Variants in EDDM13 observed in about 807,000 individuals in gnomAD.
EDDM13 encodes the protein epididymal protein 13.
Under a neutral mutation model 17.8 loss-of-function variants are expected in EDDM13, and 24 were observed. That is an observed-to-expected ratio of 1.35 (90% CI 0.98 to 1.90). The LOEUF (loss-of-function observed/expected upper bound fraction) is 1.90. EDDM13 is among the 40% of genes most tolerant of loss of function. EDDM13 has a pLI of 0.00. For synonymous variants in EDDM13, 31 were observed against 37.5 expected, an observed-to-expected ratio of 0.83 and a Z score of 0.63; for missense variants, 97 against 100.8, an observed-to-expected ratio of 0.96 and a Z score of 0.16.
At chr19:56,287,059 T>C (rs75890517) in intron 6 of EDDM13, among the ~76,000 whole-genome samples, 28,100 of 152,228 alleles carry the variant, frequency 0.18, 2,705 homozygotes, top group Middle Eastern at 0.35. Flanking sequence ...ATTTGACTCC[T>C]TCCCACCCCC....
At chr19:56,304,602 G>A (rs1055265455) in intron 13 of EDDM13, among the ~76,000 whole-genome samples, 191 bp from the exon 14 acceptor site, 3 of 152,174 alleles carry the variant, frequency 2.0e-5, no homozygotes, top group African/African-American at 7.2e-5. Context: ...GGGGAAGAAG[G>A]TGGGAGTGGT....
At chr19:56,302,657 CCCT>C (rs1600237223) in intron 13 of EDDM13, among the ~76,000 whole-genome samples, 1 of 112,612 alleles carries the variant, frequency 8.9e-6, no homozygotes, top group South Asian at 3.6e-4. Flanking sequence ...TTCCCCCCCT[CCCT>C]GTTCTTTCCT....
At chr19:56,275,076 T>A (rs1271732305) in intron 1 of EDDM13, among the ~76,000 whole-genome samples, 1 of 152,232 alleles carries the variant, frequency 6.6e-6, no homozygotes, top group African/African-American at 2.4e-5. Flanking sequence ...CACATGATGT[T>A]GATGTGTCTT....
intron 9 of EDDM13, chr19:56,295,693 A>C (rs1348711415): frequency 6.6e-6 from 1 of 152,402 alleles, no homozygotes; most frequent in African/African-American, 2.4e-5. Flanking sequence ...CAAATCCTGC[A>C]AGTCACTGCA....
chr19:56,297,629 C>T (rs1460959740), intron 12 of EDDM13, 98 bp downstream of exon 12: 24 of 707,496 alleles, frequency 3.4e-5, no homozygotes, highest in Non-Finnish European at 4.1e-5. Flanking sequence ...TTCAGGTAAT[C>T]AAGGCCCTGC....
At chr19:56,299,581 T>A (rs1463775048) in intron 12 of EDDM13, among the ~76,000 whole-genome samples, 1 of 152,110 alleles carries the variant, frequency 6.6e-6, no homozygotes. Context: ...AGGGGTTGGG[T>A]CCAGGACCTC....
intron 2 of EDDM13, among the ~76,000 whole-genome samples, chr19:56,280,985 T>C (rs773180358): frequency 6.6e-6 from 1 of 152,150 alleles, no homozygotes; most frequent in Non-Finnish European, 1.5e-5. Context: ...CATATAACTT[T>C]TGACTTCCCC....
At chr19:56,274,311 AG>A (rs1211627624) in intron 1 of EDDM13, among the ~76,000 whole-genome samples, 1 of 152,058 alleles carries the variant, frequency 6.6e-6, no homozygotes, top group Non-Finnish European at 1.5e-5. Flanking sequence ...AAAATTATCC[AG>A]GCATGGTAGT....
intron 13 of EDDM13, among the ~76,000 whole-genome samples, chr19:56,303,205 C>T (rs987729036): frequency 1.3e-5 from 2 of 152,164 alleles, no homozygotes; most frequent in Non-Finnish European, 2.9e-5. Context: ...CCAGGCCGGG[C>T]ACGGTGGCTC....
intron 1 of EDDM13, among the ~76,000 whole-genome samples, chr19:56,275,690 G>T (rs2038195471): frequency 6.6e-6 from 1 of 152,222 alleles, no homozygotes; most frequent in Admixed American, 6.5e-5. Flanking sequence ...AGATGTTTGG[G>T]ACATCCATAG....
chr19:56,287,877 A>G (rs1236572078), intron 6 of EDDM13, among the ~76,000 whole-genome samples: 1 of 152,184 alleles, frequency 6.6e-6, no homozygotes, highest in Non-Finnish European at 1.5e-5. Context: ...GCCCTCTAAG[A>G]GGTGTAAATG....
intron 6 of EDDM13, among the ~76,000 whole-genome samples, chr19:56,287,251 C>T (rs989761405): frequency 2.6e-5 from 4 of 152,216 alleles, no homozygotes; most frequent in African/African-American, 4.8e-5. Flanking sequence ...AACTCTCCTC[C>T]GGGGGTTCCC....
chr19:56,292,664 A>G (rs767509047), intron 9 of EDDM13, among the ~76,000 whole-genome samples: 14 of 151,900 alleles, frequency 9.2e-5, no homozygotes, highest in Non-Finnish European at 1.5e-4. Context: ...CTGACTCCAG[A>G]ACTTTATAAT....
At position 56,289,139 on chromosome 19, in the gene EDDM13, A is replaced by G. The variant is rs567090469; in HGVS notation, c.226+248A>G. The stretch of plus-strand genomic sequence containing the variant: ...AAGGGAGCCCTGGTTTGTAGCGACT[A>G]CCACTTCCCATGGTGTAAATACTCT... On this transcript the variant is annotated intron_variant, in intron 8 of 14. Transcript: ENST00000649256. Among the ~76,000 whole-genome samples the G allele has an allele frequency of 6.6e-5, 10 of 152,254 alleles. No individual in the cohort carries two copies. The South Asian group carries it at 2.1e-3, about 32-fold the overall frequency.
rs769831560 is a variant in EDDM13 at position 56,288,392 on chromosome 19, A to T, written c.162A>T (p.Arg54Ser). Among the ~76,000 whole-genome samples the T allele has an allele frequency of 3.3e-5, 5 of 152,250 alleles. No homozygotes were observed. Among genetic ancestry groups the T allele is most frequent in the East Asian group, 1.9e-4 (1 of 5,180 alleles). The change falls in exon 7 of 15, where the codon AGA (arginine) becomes AGT (serine). Residue 54 changes from arginine to serine, a missense_variant. By Grantham distance (110) the Arg-to-Ser change is moderately radical. Coordinates refer to ENST00000649256, the MANE Select transcript of EDDM13 (RefSeq NM_001354658.2). Reference protein sequence around the residue: ...LMSRLSPDGLRHNITSLKMPP... With the variant: ...LMSRLSPDGLSHNITSLKMPP... ...CCCCTGCTCATCTTCCAGGTCTCAG[A>T]CACAACATCACTTCCCTCAAGATGC...
intron 9 of EDDM13, among the ~76,000 whole-genome samples, chr19:56,291,811 T>C (rs1189669554): frequency 1.3e-5 from 2 of 152,110 alleles, no homozygotes; most frequent in Non-Finnish European, 2.9e-5. Flanking sequence ...ATGGGATGTC[T>C]CATGGAAACC....
In EDDM13 at chr19:56,294,972, G is replaced by A. The variant is rs1036410499; in HGVS notation, c.233-987G>A. ...CAGCTTAGTGGTTGCCTAGGACCGCGGGAGAGGGGGGTGAGCCCAGAGAGA... is the reference window on the plus strand; with the variant it reads ...CAGCTTAGTGGTTGCCTAGGACCGCAGGAGAGGGGGGTGAGCCCAGAGAGA... On this transcript the variant is annotated intron_variant, in intron 9 of 14. Transcript: ENST00000649256. 4 of 152,244 alleles carry A rather than the reference G, an allele frequency of 2.6e-5. No individual in the cohort carries two copies. In the South Asian group the frequency reaches 8.3e-4, roughly 32 times the overall value. The allele number at this position is 152,244 out of a possible 1,614,324, so 9.4% of individuals were successfully genotyped here. A position where few individuals can be genotyped will look rare whatever the true frequency, so the allele number is the denominator to read the frequency against.
chr19:56,281,769 AAGAG>A, intron 3 of EDDM13, 71 bp downstream of exon 3: 1 of 925,412 alleles, frequency 1.1e-6, no homozygotes, highest in Non-Finnish European at 1.3e-6. Flanking sequence ...AAGGGAATGA[AAGAG>A]AGAGGCAAAA....
chr19:56,284,581 T>G lies in EDDM13; in HGVS notation c.127+375T>G, dbSNP rs1336423925. Among the ~76,000 whole-genome samples, 3 of 145,868 alleles carry G rather than the reference T, an allele frequency of 2.1e-5. No homozygotes were observed. In the East Asian group the frequency reaches 6.0e-4, roughly 29 times the overall value. On this transcript the variant is annotated intron_variant, in intron 5 of 14. Coordinates refer to ENST00000649256, the MANE Select transcript of EDDM13 (RefSeq NM_001354658.2). Reference sequence around the variant, plus strand: ...TCAGGCTGGAGTGCAGTGGCACAATTGTAGGTCACTGCAGCCTCTGCCTCC... The same window carrying G: ...TCAGGCTGGAGTGCAGTGGCACAATGGTAGGTCACTGCAGCCTCTGCCTCC...
Sources: gnomAD v4.1 joint callset for allele counts (sites outside exome capture counted in the v4.1 genomes callset) on GRCh38, gnomAD v4.1.1 for gene constraint, MANE v1.5 for transcripts, NCBI Gene and HGNC (gene_info 2026-07-23, HGNC 2026-07-21) for gene names.